Variants in PTPRB observed in about 807,000 individuals in gnomAD.
PTPRB encodes protein tyrosine phosphatase receptor type B.
A neutral mutation model predicts 238.1 loss-of-function variants in PTPRB; 97 were observed. The observed-to-expected ratio is 0.41, with a 90% confidence interval of 0.35 to 0.48. PTPRB has a LOEUF of 0.48. Ranked by LOEUF, PTPRB falls within the 20% of genes least tolerant of loss-of-function variation. The pLI, the probability that PTPRB is intolerant of heterozygous loss-of-function variation, is 0.30. For synonymous variants in PTPRB, 970 were observed against 995.4 expected, an observed-to-expected ratio of 0.97 and a Z score of 0.48; for missense variants, 2,292 against 2,681.9, an observed-to-expected ratio of 0.85 and a Z score of 3.21.
chr12:70,546,220 T>C (rs1875953627), intron 21 of PTPRB, among the ~76,000 whole-genome samples: 1 of 152,076 alleles, frequency 6.6e-6, no homozygotes, highest in Non-Finnish European at 1.5e-5. Flanking sequence ...CAGTGAGGCA[T>C]TGATTTACAA....
intron 31 of PTPRB, among the ~76,000 whole-genome samples, chr12:70,532,497 A>G (rs192319904): frequency 2.4e-4 from 36 of 152,272 alleles, no homozygotes; most frequent in East Asian, 2.3e-3. Context: ...TGAAAAATCT[A>G]CTGAAATGGT....
intron 5 of PTPRB, among the ~76,000 whole-genome samples, chr12:70,595,669 A>G (rs532616211): frequency 6.6e-6 from 1 of 152,322 alleles, no homozygotes; most frequent in African/African-American, 2.4e-5. Flanking sequence ...TGATGTTATG[A>G]GAAGAGTATA....
At chr12:70,598,120 T>C (rs765167951) in intron 4 of PTPRB, among the ~76,000 whole-genome samples, 1 of 152,180 alleles carries the variant, frequency 6.6e-6, no homozygotes, top group Non-Finnish European at 1.5e-5. Flanking sequence ...CACAGCCCTT[T>C]GGTTCACCTG....
intron 21 of PTPRB, among the ~76,000 whole-genome samples, chr12:70,551,473 T>G (rs924456432): frequency 1.3e-5 from 2 of 152,172 alleles, no homozygotes; most frequent in Non-Finnish European, 2.9e-5. Context: ...TCTGACTTTT[T>G]TGATGTGAGG....
At chr12:70,574,792 G>C (rs1427432688) in intron 11 of PTPRB, among the ~76,000 whole-genome samples, 1 of 152,188 alleles carries the variant, frequency 6.6e-6, no homozygotes, top group African/African-American at 2.4e-5. Context: ...CATTAGTCGT[G>C]TACCAAGTCC....
chr12:70,540,681 G>A lies in PTPRB; in HGVS notation c.5594+177C>T, dbSNP rs1329701199. 5.1e-6 allele frequency: 3 copies of A among 589,630 alleles called. No individual in the cohort carries two copies. The African/African-American group carries it at 5.6e-5, about 11-fold the overall frequency. 36.5% of individuals were successfully genotyped at this position (589,630 alleles called of 1,614,324 possible). A position where few individuals can be genotyped will look rare whatever the true frequency, so the allele number is the denominator to read the frequency against. On this transcript the variant is annotated intron_variant, in intron 23 of 33. Coordinates refer to ENST00000334414, the MANE Select transcript of PTPRB (RefSeq NM_001109754.4). ...CTGAATTCATCAATGGGATATAAAA[G>A]AGCTGAGAAAAGTGAGTCATGGCTT...
At position 70,534,962 on chromosome 12, in the gene PTPRB, C is replaced by G. The variant is rs1465603864; in HGVS notation, c.6082-7G>C. 6.2e-7 allele frequency: 1 copy of G among 1,605,462 alleles called. No homozygotes were observed. Among genetic ancestry groups the G allele is most frequent in the Non-Finnish European group, 8.5e-7 (1 of 1,175,104 alleles). On this transcript the variant is annotated splice_polypyrimidine_tract_variant and splice_region_variant and intron_variant, in intron 29 of 33. Transcript: ENST00000334414. ...AGTAATGATCACACTTTACCTAGAA[C>G]AGGACAGACAGAAAAAACATGAGTC...
At position 70,591,254 on chromosome 12, in the gene PTPRB, T is replaced by C. The variant is rs1442207; in HGVS notation, c.1781-1021A>G. 5.3e-5 allele frequency among the ~76,000 whole-genome samples: 8 copies of C among 152,168 alleles called. No individual in the cohort carries two copies. The South Asian group carries it at 1.0e-3, about 20-fold the overall frequency. ...CCCTGCTCCCATTTCCTCCAAGTTT[T>C]TACTGCTCTTATGAAAGAAAATTTT... On this transcript the variant is annotated intron_variant, in intron 7 of 33. Coordinates refer to ENST00000334414, the MANE Select transcript of PTPRB (RefSeq NM_001109754.4).
At chr12:70,576,955 A>G (rs1257742277) in intron 10 of PTPRB, among the ~76,000 whole-genome samples, 3 of 152,156 alleles carry the variant, frequency 2.0e-5, no homozygotes, top group Admixed American at 6.5e-5. Flanking sequence ...TCAAGTGGAG[A>G]CATCCTTATA....
In PTPRB at chr12:70,571,952, G is replaced by A. The variant is rs1417173319; in HGVS notation, c.2978C>T (p.Thr993Ile). The A allele has an allele frequency of 2.5e-6, 4 of 1,613,952 alleles. No homozygotes were observed. In the Admixed American group the frequency reaches 5.0e-5, roughly 20 times the overall value. Residue 993 changes from threonine (T) to isoleucine (I), a missense_variant, in exon 12 of 34, where the codon ACT (threonine) becomes ATT (isoleucine). This residue lies in a region of PTPRB where 1,205 missense variants were observed against 1,287.8 expected (regional missense o/e 0.94). Transcript: ENST00000334414. Reference sequence around the variant, plus strand: ...GTTTTCTGACTTGGGAATGCTTTTAGTTTGAATGAAGTTGTTTTTGTTTTT... The same window carrying A: ...GTTTTCTGACTTGGGAATGCTTTTAATTTGAATGAAGTTGTTTTTGTTTTT... ...TIKNKNNFIQTKSIPKSENEC... is the reference protein window; with the variant it reads ...TIKNKNNFIQIKSIPKSENEC...
In PTPRB at chr12:70,617,112, A is replaced by G. The variant is rs536914916; in HGVS notation, c.708+5278T>C. 2.6e-3 allele frequency among the ~76,000 whole-genome samples: 401 copies of G among 152,360 alleles called. 1 individual carries two copies. Among genetic ancestry groups the G allele is most frequent in the Non-Finnish European group, 4.4e-3 (297 of 68,038 alleles). On this transcript the variant is annotated intron_variant, in intron 3 of 33. Coordinates refer to ENST00000334414, the MANE Select transcript of PTPRB (RefSeq NM_001109754.4). ...AGGGTTAACTATATGTTCACAAAATAGCAACATGGTCTTTTTGTGCACAAA... is the reference window on the plus strand; with the variant it reads ...AGGGTTAACTATATGTTCACAAAATGGCAACATGGTCTTTTTGTGCACAAA...
At chr12:70,581,567 T>G (rs1014551365) in intron 9 of PTPRB, among the ~76,000 whole-genome samples, 1 of 152,146 alleles carries the variant, frequency 6.6e-6, no homozygotes, top group Non-Finnish European at 1.5e-5. Context: ...TTAAGTGGTT[T>G]TGATTTTAAA....
intron 9 of PTPRB, among the ~76,000 whole-genome samples, chr12:70,583,028 G>A (rs902815793): frequency 2.0e-5 from 3 of 152,096 alleles, no homozygotes; most frequent in African/African-American, 7.2e-5. Context: ...CATTAGAATG[G>A]CTAAATTTTA....
At chr12:70,614,949 C>A (rs1399641171) in intron 3 of PTPRB, among the ~76,000 whole-genome samples, 1 of 152,082 alleles carries the variant, frequency 6.6e-6, no homozygotes, top group Non-Finnish European at 1.5e-5. Context: ...ACTTACTTTT[C>A]AAGGAATTTT....
intron 4 of PTPRB, among the ~76,000 whole-genome samples, chr12:70,601,194 G>T (rs1314346913): frequency 1.3e-5 from 2 of 151,708 alleles, no homozygotes; most frequent in Non-Finnish European, 2.9e-5. Context: ...GTAGAGATAG[G>T]GTTTCGCCAT....
intron 2 of PTPRB, among the ~76,000 whole-genome samples, chr12:70,632,838 T>C (rs1031572924): frequency 5.9e-5 from 9 of 152,174 alleles, no homozygotes; most frequent in Admixed American, 3.3e-4. Context: ...TATACTCTAG[T>C]ATTAGTTAAA....
At chr12:70,568,473 A>G (rs1479550411) in intron 14 of PTPRB, among the ~76,000 whole-genome samples, 4 of 151,894 alleles carry the variant, frequency 2.6e-5, no homozygotes, top group Admixed American at 2.6e-4. Context: ...AATTTTTTGT[A>G]TTTTTAGTAG....
Position 70,522,863 on chromosome 12 carries a change from CT to C in PTPRB, c.6626-1353del, listed in dbSNP as rs35913444. Among the ~76,000 whole-genome samples the C allele has an allele frequency of 6.2e-3, 731 of 118,218 alleles. 3 individuals carry two copies. The highest frequency in any genetic ancestry group is 0.021 in the African/African-American group (630 of 29,978). 77.6% of individuals were successfully genotyped at this position (118,218 alleles called of 152,430 possible). The stretch of plus-strand genomic sequence containing the variant: ...AATAGCATTCTTTTGTTTGTTTTTT[CT>C]TTTTTTTTTTTTTTTTGAGATGGAC... On this transcript the variant is annotated intron_variant, in intron 33 of 33. Coordinates refer to ENST00000334414, the MANE Select transcript of PTPRB (RefSeq NM_001109754.4).
In PTPRB at chr12:70,562,965, T is replaced by C. The variant is rs1878698089; in HGVS notation, c.4047A>G (p.Gln1349=). The C allele has an allele frequency of 1.2e-6, 2 of 1,613,898 alleles. No individual in the cohort carries two copies. The highest frequency in any genetic ancestry group is 2.7e-5 in the African/African-American group (2 of 74,934). The change falls in exon 16 of 34, where the codon CAA becomes CAG. Residue 1349 remains glutamine, a synonymous_variant. Coordinates refer to ENST00000334414, the MANE Select transcript of PTPRB (RefSeq NM_001109754.4). ...NPDGNLQERA[Q]VDPLVQSFSF... is the part of the protein sequence containing the mutation. ...AGAAGCTCTGGACTAGTGGGTCAAC[T>C]TGAGCTCTCTCCTGGAGATTCCCAT... is the stretch of plus-strand genomic sequence containing the variant.
Sources: allele counts gnomAD v4.1 joint callset (sites outside exome capture counted in the v4.1 genomes callset), GRCh38; gene constraint gnomAD v4.1.1; regional missense constraint gnomAD v4.1.1; transcripts MANE v1.5; gene names NCBI Gene and HGNC (gene_info 2026-07-23, HGNC 2026-07-21).